SCAMP2: variants seen among roughly 807,000 people sequenced by gnomAD.
SCAMP2 encodes secretory carrier membrane protein 2.
Under a neutral mutation model 44.1 loss-of-function variants are expected in SCAMP2, and 25 were observed. The observed-to-expected ratio is 0.57, with a 90% CI of 0.41 to 0.79. The LOEUF (loss-of-function observed/expected upper bound fraction) is 0.79. SCAMP2 is among the 30% of genes least tolerant of loss of function. The pLI is 0.00. For synonymous variants in SCAMP2, 156 were observed against 166.0 expected (o/e 0.94, Z 0.46); for missense variants, 355 against 411.0 (o/e 0.86, Z 1.18).
chr15:74,860,685 TAAAA>T (rs34842935), intron 1 of SCAMP2, among the ~76,000 whole-genome samples: 1 of 89,532 alleles, frequency 1.1e-5, no homozygotes, highest in Non-Finnish European at 2.1e-5. Flanking sequence ...AGACTCCATT[TAAAA>T]AAAAAAAAAA....
chr15:74,844,971 G>T lies in SCAMP2; in HGVS notation c.*112C>A. 1 of 1,286,588 alleles carries T rather than the reference G, an allele frequency of 7.8e-7. No homozygotes were observed. Among genetic ancestry groups the T allele is most frequent in the Non-Finnish European group, 1.1e-6 (1 of 935,372 alleles). The allele number at this position is 1,286,588 out of a possible 1,614,324, so 79.7% of individuals were successfully genotyped here. Reference sequence around the variant, plus strand: ...GAGGGAGGAGGAAGAGCCACGGCAAGAACCCTGCCAGGTCTGTGCTGGGCA... The same window carrying T: ...GAGGGAGGAGGAAGAGCCACGGCAATAACCCTGCCAGGTCTGTGCTGGGCA... On this transcript the variant is annotated 3_prime_UTR_variant, in exon 9 of 9. Transcript: ENST00000268099.
rs560216088 is a variant in SCAMP2, at chr15:74,870,615, A to G, written c.57+2584T>C. 7.2e-4 allele frequency among the ~76,000 whole-genome samples: 110 copies of G among 152,346 alleles called. No individual in the cohort carries two copies. The Middle Eastern group carries it at 0.014, about 19-fold the overall frequency. ...CAATAGAGATGACTGTTTGCCTTACATAAGAGACAAGGTCCTTGCAAACGC... is the reference window on the plus strand; with the variant it reads ...CAATAGAGATGACTGTTTGCCTTACGTAAGAGACAAGGTCCTTGCAAACGC... On this transcript the variant is annotated intron_variant, in intron 1 of 8. Coordinates refer to ENST00000268099, the MANE Select transcript of SCAMP2 (RefSeq NM_005697.5).
intron 1 of SCAMP2, among the ~76,000 whole-genome samples, chr15:74,872,557 G>A (rs1315672023): frequency 6.6e-6 from 1 of 152,052 alleles, no homozygotes; most frequent in Admixed American, 6.6e-5. Flanking sequence ...CCCTAACCCG[G>A]GCTCTCCTAT....
rs1391194182 is a variant in SCAMP2 at position 74,873,222 on chromosome 15, G to A, written c.34C>T (p.Pro12Ser). 6 of 1,459,208 alleles carry A rather than the reference G, an allele frequency of 4.1e-6. No homozygotes were observed. The highest frequency in any genetic ancestry group is 1.5e-5 in the African/African-American group (1 of 66,484). 90.4% of individuals were successfully genotyped at this position (1,459,208 alleles called of 1,614,324 possible). ...ACCTGGAAGGGGTTTACATCCACTGGGTCCGCGAAGGGGTTGGTGTCGAAA... is the reference window on the plus strand; with the variant it reads ...ACCTGGAAGGGGTTTACATCCACTGAGTCCGCGAAGGGGTTGGTGTCGAAA... ...SAFDTNPFAD[P>S]VDVNPFQDPS... The change falls in exon 1 of 9, where the codon CCA (proline) becomes TCA (serine). Residue 12 changes from proline to serine, a missense_variant. Pro to Ser is a moderately conservative substitution (Grantham distance 74). Transcript: ENST00000268099.
chr15:74,856,044 C>G (rs1026235229), intron 1 of SCAMP2, among the ~76,000 whole-genome samples: 1 of 152,044 alleles, frequency 6.6e-6, no homozygotes, highest in Non-Finnish European at 1.5e-5. Flanking sequence ...TCCACACCCT[C>G]CCCTTCCTAG....
rs2141185353 is a variant in SCAMP2, at chr15:74,873,228, C to T, written c.28G>A (p.Ala10Thr). Residue 10 changes from alanine (A) to threonine (T), a missense_variant, in exon 1 of 9, where the codon GCG becomes ACG. Transcript: ENST00000268099. Reference sequence around the variant, plus strand: ...AAGGGGTTTACATCCACTGGGTCCGCGAAGGGGTTGGTGTCGAAAGCCGAC... The same window carrying T: ...AAGGGGTTTACATCCACTGGGTCCGTGAAGGGGTTGGTGTCGAAAGCCGAC... MSAFDTNPF[A>T]DPVDVNPFQD... 6 of 1,460,422 alleles carry T rather than the reference C, an allele frequency of 4.1e-6. No homozygotes were observed. Among genetic ancestry groups the T allele is most frequent in the East Asian group, 3.0e-5 (1 of 33,428 alleles). The allele number at this position is 1,460,422 out of a possible 1,614,324, so 90.5% of individuals were successfully genotyped here.
intron 6 of SCAMP2, among the ~76,000 whole-genome samples, 167 bp from the exon 7 acceptor site, chr15:74,848,868 C>A (rs565078432): frequency 9.9e-5 from 15 of 152,078 alleles, no homozygotes; most frequent in Middle Eastern, 3.2e-3. Flanking sequence ...ACACACCCCC[C>A]ACCATAATCA....
Position 74,845,102 on chromosome 15 carries a change from C to T in SCAMP2, c.971G>A (p.Gly324Glu), listed in dbSNP as rs148434437. Reference sequence around the variant, plus strand: ...GGAGGACTAATTCCCCTGGAAGGCTCCTTGGGCAGCAGATGAAGCAGCTCT... The same window carrying T: ...GGAGGACTAATTCCCCTGGAAGGCTTCTTGGGCAGCAGATGAAGCAGCTCT... ...FHRAASSAAQ[G>E]AFQGN The change falls in exon 9 of 9, where the codon GGA becomes GAA. Residue 324 changes from glycine (G) to glutamate (E), a missense_variant. Coordinates refer to ENST00000268099, the MANE Select transcript of SCAMP2 (RefSeq NM_005697.5). 6.7e-4 allele frequency: 1,078 copies of T among 1,613,928 alleles called. 5 individuals carry two copies. The highest frequency in any genetic ancestry group is 2.3e-3 in the South Asian group (214 of 91,070).
chr15:74,854,836 C>A (rs947609423), intron 1 of SCAMP2, among the ~76,000 whole-genome samples, 187 bp from the exon 2 acceptor site: 3 of 152,198 alleles, frequency 2.0e-5, no homozygotes, highest in Non-Finnish European at 2.9e-5. Context: ...CTCCCTTCCC[C>A]CTTCCTGGAA....
chr15:74,859,992 C>T (rs935225096), intron 1 of SCAMP2, among the ~76,000 whole-genome samples: 93 of 152,118 alleles, frequency 6.1e-4, no homozygotes, highest in Non-Finnish European at 2.4e-4. Flanking sequence ...CAGCCGGGCA[C>T]GGTGGCTCAA....
intron 1 of SCAMP2, among the ~76,000 whole-genome samples, chr15:74,871,728 G>A (rs1410279091): frequency 1.3e-5 from 2 of 150,720 alleles, no homozygotes; most frequent in Non-Finnish European, 2.9e-5. Context: ...CTCCAGCCTG[G>A]GCAACAAGAG....
Position 74,845,100 on chromosome 15 carries a change from C to A in SCAMP2, c.973G>T (p.Ala325Ser), listed in dbSNP as rs1182856513. Residue 325 changes from alanine to serine, a missense_variant, in exon 9 of 9, where the codon GCC becomes TCC. Ala to Ser is a moderately conservative substitution (Grantham distance 99, BLOSUM62 1). Transcript: ENST00000268099. ...GAGGAGGACTAATTCCCCTGGAAGG[C>A]TCCTTGGGCAGCAGATGAAGCAGCT... is the stretch of plus-strand genomic sequence containing the variant. ...HRAASSAAQG[A>S]FQGN 1.3e-5 allele frequency: 21 copies of A among 1,613,774 alleles called. No homozygotes were observed. Among genetic ancestry groups the A allele is most frequent in the Non-Finnish European group, 1.6e-5 (19 of 1,179,860 alleles).
At chr15:74,856,350 C>T (rs2064469082) in intron 1 of SCAMP2, among the ~76,000 whole-genome samples, 1 of 143,656 alleles carries the variant, frequency 7.0e-6, no homozygotes, top group Non-Finnish European at 1.5e-5. Flanking sequence ...TCTCCACTCA[C>T]TGCAGCCTCC....
intron 1 of SCAMP2, among the ~76,000 whole-genome samples, chr15:74,860,439 A>G (rs1399476502): frequency 6.7e-6 from 1 of 148,458 alleles, no homozygotes; most frequent in African/African-American, 2.4e-5. Flanking sequence ...CTGTAATCCC[A>G]GCACTTTGGG....
intron 6 of SCAMP2, among the ~76,000 whole-genome samples, chr15:74,849,553 G>A (rs182392012): frequency 6.6e-6 from 1 of 151,956 alleles, no homozygotes; most frequent in Admixed American, 6.6e-5. Flanking sequence ...AGACCAGCCT[G>A]GCCAACATGG....
rs772432531 is a variant in SCAMP2, at chr15:74,848,629, C to T, written c.705G>A (p.Gln235=). The change falls in exon 7 of 9, where the codon CAG becomes CAA. Residue 235 remains glutamine (Q), a synonymous_variant. Transcript: ENST00000268099. ...FFCQIGIYII[Q]LVGIPGLGDS... is the part of the protein sequence containing the mutation. ...CCCCCAGGCCAGGGATGCCAACCAA[C>T]TGGATGATGTAGATCCCTATTTGAC... 6.2e-7 allele frequency: 1 copy of T among 1,613,236 alleles called. No homozygotes were observed. Among genetic ancestry groups the T allele is most frequent in the Non-Finnish European group, 8.5e-7 (1 of 1,179,220 alleles).
At chr15:74,859,559 A>C (rs1054450406) in intron 1 of SCAMP2, among the ~76,000 whole-genome samples, 7 of 151,934 alleles carry the variant, frequency 4.6e-5, no homozygotes, top group African/African-American at 1.2e-4. Flanking sequence ...GCAGTGAGGG[A>C]AGAGAGGCAG....
chr15:74,854,663 A>G lies in SCAMP2; in HGVS notation c.58-14T>C, dbSNP rs181344497. 140 of 1,604,254 alleles carry G rather than the reference A, an allele frequency of 8.7e-5. No homozygotes were observed. The East Asian group carries it at 2.5e-3, about 28-fold the overall frequency. On this transcript the variant is annotated splice_polypyrimidine_tract_variant and intron_variant, in intron 1 of 8. Coordinates refer to ENST00000268099, the MANE Select transcript of SCAMP2 (RefSeq NM_005697.5). ...CACAGAGGGATCCTGAGAAGGTGAA[A>G]AAAAGCCCTTAGACACAGTGGAGAA...
chr15:74,854,639 A>G lies in SCAMP2; in HGVS notation c.68T>C (p.Val23Ala). The G allele has an allele frequency of 6.2e-7, 1 of 1,609,240 alleles. No homozygotes were observed. ...VDVNPFQDPSVTQLTNAPQGG... is the reference protein window; with the variant it reads ...VDVNPFQDPSATQLTNAPQGG... ...CTGCGGGGCGTTGGTCAGCTGGGTC[A>G]CAGAGGGATCCTGAGAAGGTGAAAA... The change falls in exon 2 of 9, where the codon GTG becomes GCG. Residue 23 changes from valine (V) to alanine (A), a missense_variant. Coordinates refer to ENST00000268099, the MANE Select transcript of SCAMP2 (RefSeq NM_005697.5).
Sources: gnomAD v4.1 joint callset for allele counts (sites outside exome capture counted in the v4.1 genomes callset) on GRCh38, gnomAD v4.1.1 for gene constraint, MANE v1.5 for transcripts, NCBI Gene and HGNC (gene_info 2026-07-23, HGNC 2026-07-21) for gene names.